Variants in CSMD1 observed in about 807,000 individuals in gnomAD.
The protein encoded by CSMD1 is CUB and Sushi multiple domains 1, also known as CUB and sushi domain-containing protein 1.
Under a neutral mutation model 417.5 loss-of-function variants are expected in CSMD1, and 213 were observed. The ratio of observed to expected loss-of-function variants is 0.51; its 90% CI spans 0.46 to 0.57. The LOEUF is 0.57. Ranked by LOEUF, CSMD1 falls within the 20% of genes least tolerant of loss-of-function variation. The pLI, the probability that CSMD1 is intolerant of heterozygous loss-of-function variation, is 0.00. For synonymous variants in CSMD1, 2,862 were observed against 1,736.8 expected, an observed-to-expected ratio of 1.65 and a Z score of -16.11; for missense variants, 6,923 against 4,529.7, an observed-to-expected ratio of 1.53 and a Z score of -15.17.
At chr8:4,966,092 G>C (rs1809838647) in intron 1 of CSMD1, among the ~76,000 whole-genome samples, 1 of 151,570 alleles carries the variant, frequency 6.6e-6, no homozygotes, top group African/African-American at 2.4e-5. Flanking sequence ...GGCCGGGTGT[G>C]ATGGCTCACT....
chr8:4,661,586 G>C (rs988759693), intron 1 of CSMD1, among the ~76,000 whole-genome samples: 1 of 152,114 alleles, frequency 6.6e-6, no homozygotes, highest in Non-Finnish European at 1.5e-5. Flanking sequence ...CAATACCTTA[G>C]CTGTGATGTT....
intron 1 of CSMD1, among the ~76,000 whole-genome samples, chr8:4,965,809 C>T (rs1272577792): frequency 2.0e-5 from 3 of 152,036 alleles, no homozygotes; most frequent in African/African-American, 4.8e-5. Context: ...CTTCCAGAGA[C>T]ATCTGGAACA....
At chr8:4,853,673 G>T (rs538057646) in intron 1 of CSMD1, among the ~76,000 whole-genome samples, 1 of 152,298 alleles carries the variant, frequency 6.6e-6, no homozygotes, top group South Asian at 2.1e-4. Flanking sequence ...GTGGAGCTGT[G>T]GGAAGAAGAC....
chr8:4,064,801 C>A (rs534035732), intron 3 of CSMD1, among the ~76,000 whole-genome samples: 7 of 152,076 alleles, frequency 4.6e-5, no homozygotes, highest in Admixed American at 1.3e-4. Context: ...CCTGTACTCC[C>A]GGTGATCTTG....
At chr8:4,083,297 G>C (rs35505983) in intron 3 of CSMD1, among the ~76,000 whole-genome samples, 15,608 of 151,528 alleles carry the variant, frequency 0.1, 898 homozygotes, top group South Asian at 0.13. Context: ...ACTTTTTAAT[G>C]ATCGCCATTC....
chr8:3,504,997 C>A (rs1005719880), intron 10 of CSMD1, among the ~76,000 whole-genome samples: 2 of 137,668 alleles, frequency 1.5e-5, no homozygotes, highest in Non-Finnish European at 3.1e-5. Flanking sequence ...GCAAACAAAA[C>A]AGTGATGGAG....
intron 8 of CSMD1, among the ~76,000 whole-genome samples, chr8:3,616,414 A>C: frequency 6.6e-6 from 1 of 151,904 alleles, no homozygotes; most frequent in Non-Finnish European, 1.5e-5. Context: ...GTTTCCTGAG[A>C]CCTCCTCAAC....
At chr8:3,575,191 T>C in intron 9 of CSMD1, 125 bp from the exon 10 acceptor site, 1 of 885,526 alleles carries the variant, frequency 1.1e-6, no homozygotes, top group East Asian at 2.8e-5. Context: ...AAAAAAATGG[T>C]GCATGGACTC....
intron 28 of CSMD1, among the ~76,000 whole-genome samples, chr8:3,223,101 A>C (rs1798309336): frequency 6.6e-6 from 1 of 152,234 alleles, no homozygotes; most frequent in African/African-American, 2.4e-5. Flanking sequence ...CTTTGGATTC[A>C]ATAAATTGTA....
At chr8:4,048,608 C>T (rs1798268682) in intron 3 of CSMD1, among the ~76,000 whole-genome samples, 1 of 152,214 alleles carries the variant, frequency 6.6e-6, no homozygotes, top group Non-Finnish European at 1.5e-5. Flanking sequence ...AAACAGCACA[C>T]ACCAAACAGG....
intron 3 of CSMD1, among the ~76,000 whole-genome samples, chr8:4,059,293 C>G (rs949335088): frequency 2.0e-4 from 30 of 149,816 alleles, no homozygotes; most frequent in African/African-American, 3.0e-4. Flanking sequence ...ATTCAAAACA[C>G]TGTGTAGAGT....
chr8:3,926,188 G>C (rs1584977644), intron 5 of CSMD1, among the ~76,000 whole-genome samples: 1 of 151,612 alleles, frequency 6.6e-6, no homozygotes, highest in African/African-American at 2.4e-5. Context: ...ATTTTTCCCA[G>C]ACATGATTTT....
At chr8:3,541,485 G>A (rs10101468) in intron 10 of CSMD1, among the ~76,000 whole-genome samples, 54 of 151,428 alleles carry the variant, frequency 3.6e-4, no homozygotes, top group Admixed American at 2.0e-4. Context: ...CATGTTTACC[G>A]AAATAACAAA....
At position 4,776,851 on chromosome 8, in the gene CSMD1, A is replaced by G. The variant is rs530549336; in HGVS notation, c.86-139293T>C. On this transcript the variant is annotated intron_variant, in intron 1 of 69. Transcript: ENST00000635120. ...ACTGATTTCTGATTCTGGAGCTTCC[A>G]TAAATTATTTTACTGTTTTCTGCTT... Among the ~76,000 whole-genome samples, 53 of 152,346 alleles carry G rather than the reference A, an allele frequency of 3.5e-4. No homozygotes were observed. The South Asian group carries it at 0.01, about 30-fold the overall frequency.
intron 7 of CSMD1, among the ~76,000 whole-genome samples, chr8:3,683,840 T>C (rs1435213043): frequency 6.6e-6 from 1 of 152,060 alleles, no homozygotes; most frequent in Non-Finnish European, 1.5e-5. Context: ...TTCTAAGATG[T>C]AAAGAATATT....
At chr8:3,926,396 T>G (rs1809731938) in intron 5 of CSMD1, among the ~76,000 whole-genome samples, 1 of 152,088 alleles carries the variant, frequency 6.6e-6, no homozygotes, top group African/African-American at 2.4e-5. Context: ...TAAGATTTTT[T>G]CTGTCTTTTG....
chr8:3,314,876 A>G (rs1383196612), intron 23 of CSMD1, among the ~76,000 whole-genome samples: 14 of 152,212 alleles, frequency 9.2e-5, no homozygotes, highest in African/African-American at 2.4e-5. Flanking sequence ...AATCCATTTT[A>G]TACATTAGGC....
At chr8:4,736,978 G>T (rs1216133284) in intron 1 of CSMD1, among the ~76,000 whole-genome samples, 1 of 152,136 alleles carries the variant, frequency 6.6e-6, no homozygotes, top group Non-Finnish European at 1.5e-5. Flanking sequence ...TCTCATGGCT[G>T]CTTCTTTATA....
At chr8:3,695,176 G>T (rs1365087718) in intron 7 of CSMD1, among the ~76,000 whole-genome samples, 1 of 151,526 alleles carries the variant, frequency 6.6e-6, no homozygotes, top group Non-Finnish European at 1.5e-5. Context: ...TATTTCCAAG[G>T]ACCTCGAAGA....
Sources: gnomAD v4.1 joint callset for allele counts (sites outside exome capture counted in the v4.1 genomes callset) on GRCh38, gnomAD v4.1.1 for gene constraint, MANE v1.5 for transcripts, NCBI Gene and HGNC (gene_info 2026-07-23, HGNC 2026-07-21) for gene names.